NCS1: variants seen among roughly 807,000 people sequenced by gnomAD.
The protein encoded by NCS1 is neuronal calcium sensor 1, also known as frequenin homolog.
A neutral mutation model predicts 28.4 loss-of-function variants in NCS1; 6 were observed. The observed-to-expected ratio is 0.21, with a 90% CI of 0.12 to 0.42. The LOEUF is 0.42. Ranked by LOEUF, NCS1 falls within the 10% of genes least tolerant of loss-of-function variation. The pLI is 1.00. For synonymous variants in NCS1, 86 were observed against 99.3 expected (o/e 0.87, Z 0.79); for missense variants, 131 against 241.4 (o/e 0.54, Z 3.03).
At position 130,216,867 on chromosome 9, in the gene NCS1, C is replaced by T. The variant is rs149302430; in HGVS notation, c.90-965C>T. Among the ~76,000 whole-genome samples the T allele has an allele frequency of 5.9e-3, 836 of 141,460 alleles. 6 individuals are homozygous for T. Among genetic ancestry groups the T allele is most frequent in the South Asian group, 0.038 (155 of 4,044 alleles). The allele number at this position is 141,460 out of a possible 152,430, so 92.8% of individuals were successfully genotyped here. A position where few individuals can be genotyped will look rare whatever the true frequency, so the allele number is the denominator to read the frequency against. ...TAGATGACCTCTCTCTCTGGCTTCC[C>T]GATGTGGAAGGAATCGTCCTCTGAG... On this transcript the variant is annotated intron_variant, in intron 2 of 7. Coordinates refer to ENST00000372398, the MANE Select transcript of NCS1 (RefSeq NM_014286.4).
chr9:130,172,860 A>C (rs1588104372), intron 1 of NCS1, 133 bp downstream of exon 1: 1 of 364,686 alleles, frequency 2.7e-6, no homozygotes, highest in Non-Finnish European at 4.3e-6. Context: ...CCCGGCCTCC[A>C]ATGTGGACCC....
intron 1 of NCS1, among the ~76,000 whole-genome samples, chr9:130,174,790 C>A (rs1468103701): frequency 4.2e-3 from 381 of 91,362 alleles, no homozygotes; most frequent in Non-Finnish European, 4.2e-3. Context: ...ACTCTGTCTC[C>A]AAAAAAAAAA....
intron 1 of NCS1, among the ~76,000 whole-genome samples, chr9:130,182,716 G>A (rs1017508490): frequency 2.0e-5 from 3 of 152,204 alleles, no homozygotes; most frequent in Admixed American, 6.5e-5. Flanking sequence ...TCATCCTCCC[G>A]CCCTGGGAAC....
Position 130,175,131 on chromosome 9 carries a change from G to T in NCS1, c.64+2404G>T, listed in dbSNP as rs896813178. On this transcript the variant is annotated intron_variant, in intron 1 of 7. Transcript: ENST00000372398. The surrounding 1 kb of genome is among the most constrained non-coding windows in gnomAD (Gnocchi z 4.9). The stretch of plus-strand genomic sequence containing the variant: ...CATTGGCCTCCTGTCTGCCTCCCGC[G>T]CTGACGTCAGCTCCCTAGTGCAGGC... 6.6e-6 allele frequency among the ~76,000 whole-genome samples: 1 copy of T among 152,090 alleles called. No individual in the cohort carries two copies.
Position 130,237,132 on chromosome 9 carries a change from C to T in NCS1, c.*4160C>T, listed in dbSNP as rs1833605501. On this transcript the variant is annotated 3_prime_UTR_variant, in exon 8 of 8. Coordinates refer to ENST00000372398, the MANE Select transcript of NCS1 (RefSeq NM_014286.4). ...TGCCTCCCCAGCCCCCTTTGAGTCT[C>T]TTTTTGGGGTGCCGTCCTGTCTGAA... 1 of 152,352 alleles carries T rather than the reference C, an allele frequency of 6.6e-6. No individual in the cohort carries two copies. The highest frequency in any genetic ancestry group is 1.5e-5 in the Non-Finnish European group (1 of 68,214). The allele number at this position is 152,352 out of a possible 1,614,324, so 9.4% of individuals were successfully genotyped here. A position where few individuals can be genotyped will look rare whatever the true frequency, so the allele number is the denominator to read the frequency against.
intron 3 of NCS1, 45 bp downstream of exon 3, chr9:130,218,015 T>C (rs782494097): frequency 7.4e-6 from 12 of 1,612,860 alleles, no homozygotes; most frequent in Non-Finnish European, 5.9e-6. Context: ...GCTCAGCTCC[T>C]GTGGGTACCC....
chr9:130,176,194 C>CTTTCTTTCTTTCTTTCTTTCT (rs1554904576), intron 1 of NCS1, among the ~76,000 whole-genome samples: 4 of 50,124 alleles, frequency 8.0e-5, no homozygotes, highest in Non-Finnish European at 1.4e-4. Context: ...TTCTTTCTTT[C>CTTTCTTTCTTTCTTTCTTTCT]TTTTTTTTTT....
intron 4 of NCS1, among the ~76,000 whole-genome samples, chr9:130,221,457 G>A (rs1833301541): frequency 7.0e-6 from 1 of 142,178 alleles, no homozygotes; most frequent in South Asian, 2.2e-4. Flanking sequence ...GAGAGAAAGA[G>A]AGAGTCTTGC....
intron 1 of NCS1, among the ~76,000 whole-genome samples, chr9:130,185,457 C>T (rs1554905543): frequency 6.6e-6 from 1 of 152,164 alleles, no homozygotes; most frequent in East Asian, 1.9e-4. Flanking sequence ...TCCTCCGTGG[C>T]TGGGGGATCC....
chr9:130,209,003 G>C lies in NCS1; in HGVS notation c.89+8021G>C, dbSNP rs1481662159. On this transcript the variant is annotated intron_variant, in intron 2 of 7. Transcript: ENST00000372398. This position sits in a 1 kb window ranked among gnomAD's most constrained non-coding sequence, Gnocchi z 4.4. ...AAACCTGTAAAACCGGAGGCTACTG[G>C]GGGGAAGGGAAAGGAAGAGGAACCA... 8.5e-5 allele frequency among the ~76,000 whole-genome samples: 13 copies of C among 152,172 alleles called. No individual in the cohort carries two copies. The highest frequency in any genetic ancestry group is 2.9e-4 in the African/African-American group (12 of 41,432).
In NCS1 at chr9:130,175,862, C is replaced by T. The variant is rs1298767701; in HGVS notation, c.64+3135C>T. On this transcript the variant is annotated intron_variant, in intron 1 of 7. Transcript: ENST00000372398. The surrounding 1 kb of genome is among the most constrained non-coding windows in gnomAD (Gnocchi z 4.9). Reference sequence around the variant, plus strand: ...ACTTAGACAGTGGCAGTCAGCATTGCGGGCGGCCCAGTTTCTTTCAGGTCT... The same window carrying T: ...ACTTAGACAGTGGCAGTCAGCATTGTGGGCGGCCCAGTTTCTTTCAGGTCT... 1.2e-4 allele frequency among the ~76,000 whole-genome samples: 19 copies of T among 152,210 alleles called. No individual in the cohort carries two copies. Among genetic ancestry groups the T allele is most frequent in the Non-Finnish European group, 2.2e-4 (15 of 68,040 alleles).
rs957879010 is a variant in NCS1, at chr9:130,191,950, G to A, written c.65-9008G>A. ...CACTCCCACAGTGGGGACACGTGAT[G>A]GGGGGCTGGAGGGCAGAAGGGCTGG... On this transcript the variant is annotated intron_variant, in intron 1 of 7. Coordinates refer to ENST00000372398, the MANE Select transcript of NCS1 (RefSeq NM_014286.4). This position sits in a 1 kb window ranked among gnomAD's most constrained non-coding sequence, Gnocchi z 6.4. 2.0e-5 allele frequency among the ~76,000 whole-genome samples: 3 copies of A among 152,306 alleles called. No individual in the cohort carries two copies. Among genetic ancestry groups the A allele is most frequent in the Admixed American group, 6.5e-5 (1 of 15,300 alleles).
rs992977416 is a variant in NCS1 at position 130,233,496 on chromosome 9, G to C, written c.*524G>C. 2.0e-5 allele frequency: 3 copies of C among 152,560 alleles called. No individual in the cohort carries two copies. In the Admixed American group the frequency reaches 2.0e-4, roughly 10 times the overall value. 9.5% of individuals were successfully genotyped at this position (152,560 alleles called of 1,614,324 possible). A position where few individuals can be genotyped will look rare whatever the true frequency, so the allele number is the denominator to read the frequency against. Reference sequence around the variant, plus strand: ...TGTCTAGGGGTTCTGCCTGGTCAACGTTATTTGTCGTCCCATCTTTTGGCA... The same window carrying C: ...TGTCTAGGGGTTCTGCCTGGTCAACCTTATTTGTCGTCCCATCTTTTGGCA... On this transcript the variant is annotated 3_prime_UTR_variant, in exon 8 of 8. Coordinates refer to ENST00000372398, the MANE Select transcript of NCS1 (RefSeq NM_014286.4). This position sits in a 1 kb window ranked among gnomAD's most constrained non-coding sequence, Gnocchi z 4.8.
At chr9:130,190,032 A>AAGAGAGAGAGAGAG (rs34529294) in intron 1 of NCS1, among the ~76,000 whole-genome samples, 4,395 of 120,292 alleles carry the variant, frequency 0.037, 115 homozygotes, top group Middle Eastern at 0.074. Flanking sequence ...ATGTTTATGC[A>AAGAGAGAGAGAGAG]AGAGAGAGAG....
At chr9:130,182,110 C>T (rs1343583933) in intron 1 of NCS1, among the ~76,000 whole-genome samples, 1 of 152,014 alleles carries the variant, frequency 6.6e-6, no homozygotes, top group Non-Finnish European at 1.5e-5. Flanking sequence ...CACTCGGGAC[C>T]AGGAGTGCTG....
At chr9:130,207,495 C>T (rs1554908251) in intron 2 of NCS1, among the ~76,000 whole-genome samples, 1 of 152,250 alleles carries the variant, frequency 6.6e-6, no homozygotes, top group Non-Finnish European at 1.5e-5. Context: ...ATAGTCACAC[C>T]TTCACCCCAG....
chr9:130,198,634 C>T (rs955214486), intron 1 of NCS1, among the ~76,000 whole-genome samples: 1 of 152,194 alleles, frequency 6.6e-6, no homozygotes, highest in South Asian at 2.1e-4. Context: ...GGTCACACCT[C>T]CCTGTGGGGT....
rs1588123489 is a variant in NCS1, at chr9:130,219,605, T to G, written c.229-120T>G. ...TTCCTTCGAGCCTGCCCTCTCCACC[T>G]GAGTGTCCATTGGCCACAGTGTCTG... On this transcript the variant is annotated intron_variant, in intron 3 of 7. Transcript: ENST00000372398. The surrounding 1 kb of genome is among the most constrained non-coding windows in gnomAD (Gnocchi z 5.7). 2.7e-6 allele frequency: 2 copies of G among 751,706 alleles called. No individual in the cohort carries two copies. Among genetic ancestry groups the G allele is most frequent in the East Asian group, 6.9e-5 (2 of 28,826 alleles). 46.6% of individuals were successfully genotyped at this position (751,706 alleles called of 1,614,324 possible). A position where few individuals can be genotyped will look rare whatever the true frequency, so the allele number is the denominator to read the frequency against.
intron 1 of NCS1, among the ~76,000 whole-genome samples, chr9:130,199,916 C>G (rs1263586074): frequency 3.9e-5 from 6 of 152,130 alleles, no homozygotes; most frequent in Non-Finnish European, 8.8e-5. Flanking sequence ...TTCATTCATT[C>G]ATTCATTCAT....
Sources: allele counts gnomAD v4.1 joint callset (sites outside exome capture counted in the v4.1 genomes callset), GRCh38; gene constraint gnomAD v4.1.1; non-coding constraint Gnocchi (gnomAD v3.1); transcripts MANE v1.5; gene names NCBI Gene and HGNC (gene_info 2026-07-23, HGNC 2026-07-21).